CHIC1: variants seen among roughly 807,000 people sequenced by gnomAD.
CHIC1 encodes the protein cysteine rich hydrophobic domain 1.
Under a neutral mutation model 18.5 loss-of-function variants are expected in CHIC1, and 7 were observed. That is an observed-to-expected ratio of 0.38 (90% confidence interval 0.22 to 0.71). The LOEUF (loss-of-function observed/expected upper bound fraction) is 0.71, where lower values mean the gene tolerates loss of function less well. Among genes scored for constraint, CHIC1 ranks in the 30% least tolerant of loss-of-function variants. The pLI is 0.49. For missense variants in CHIC1, 159 were observed against 176.9 expected (o/e 0.90, Z 0.57); for synonymous variants, 77 against 73.5 (o/e 1.05, Z -0.25).
In CHIC1 at chrX:73,563,390, T is replaced by C. The variant is rs896458368; in HGVS notation, c.106T>C (p.Ser36Pro). The stretch of plus-strand genomic sequence containing the variant: ...GTCGTCGTCGTCGCCGTCGTCGTCG[T>C]CGTCGGTATCTGGGCCCGACGATGA... ...ATSSSSPSSS[S>P]SVSGPDDDEE... The change falls in exon 1 of 6, where the codon TCG becomes CCG. Residue 36 changes from serine to proline, a missense_variant. Physicochemically the swap from Ser to Pro is moderately conservative, Grantham distance 74. Coordinates refer to ENST00000373502, the MANE Select transcript of CHIC1 (RefSeq NM_001039840.4). 15 of 1,151,579 alleles carry C rather than the reference T, an allele frequency of 1.3e-5. No homozygotes were observed. The highest frequency in any genetic ancestry group is 5.4e-5 in the Admixed American group (2 of 37,233). 94.9% of individuals were successfully genotyped at this position (1,151,579 alleles called of 1,213,427 possible). A position where few individuals can be genotyped will look rare whatever the true frequency, so the allele number is the denominator to read the frequency against.
At chrX:73,592,927 A>C (rs1214570925) in intron 3 of CHIC1, among the ~76,000 whole-genome samples, 1 of 110,108 alleles carries the variant, frequency 9.1e-6, no homozygotes, top group African/African-American at 3.3e-5. Context: ...TCCTGATTCA[A>C]TCTTGAGAGC....
chrX:73,681,124 A>G lies in CHIC1; in HGVS notation c.*119A>G, dbSNP rs927374696. Reference sequence around the variant, plus strand: ...AACTTATTCTTTATAATGGTAGAATATTCTTCTCGCTCTTTTGTGTTGGTT... The same window carrying G: ...AACTTATTCTTTATAATGGTAGAATGTTCTTCTCGCTCTTTTGTGTTGGTT... On this transcript the variant is annotated 3_prime_UTR_variant, in exon 6 of 6. Coordinates refer to ENST00000373502, the MANE Select transcript of CHIC1 (RefSeq NM_001039840.4). 4.3e-6 allele frequency: 2 copies of G among 462,123 alleles called. No homozygotes were observed. The highest frequency in any genetic ancestry group is 2.6e-5 in the African/African-American group (1 of 39,089). The allele number at this position is 462,123 out of a possible 1,213,427, so 38.1% of individuals were successfully genotyped here. A position where few individuals can be genotyped will look rare whatever the true frequency, so the allele number is the denominator to read the frequency against.
At chrX:73,622,840 C>T (rs774742013) in intron 3 of CHIC1, among the ~76,000 whole-genome samples, 22 of 112,096 alleles carry the variant, frequency 2.0e-4, no homozygotes, top group Non-Finnish European at 3.9e-4. Context: ...ATAAATTTCC[C>T]TCCAAACACT....
intron 2 of CHIC1, among the ~76,000 whole-genome samples, chrX:73,580,913 G>A (rs748222598): frequency 8.4e-4 from 93 of 111,012 alleles, no homozygotes; most frequent in Non-Finnish European, 8.4e-4. Context: ...CTTCTTATGT[G>A]TTAATGCTTT....
chrX:73,653,864 G>A (rs1389550339), intron 3 of CHIC1, among the ~76,000 whole-genome samples: 1 of 111,806 alleles, frequency 8.9e-6, no homozygotes, highest in African/African-American at 3.2e-5. Context: ...ATTGTTTATT[G>A]TTGGCATATA....
At position 73,676,164 on chromosome X, in the gene CHIC1, A is replaced by T. The variant is rs936834107; in HGVS notation, c.508-3162A>T. Among the ~76,000 whole-genome samples the T allele has an allele frequency of 9.9e-4, 110 of 111,198 alleles. 1 individual carries two copies. The highest frequency in any genetic ancestry group is 3.2e-3 in the African/African-American group (98 of 30,560). On this transcript the variant is annotated intron_variant, in intron 3 of 5. Transcript: ENST00000373502. The stretch of plus-strand genomic sequence containing the variant: ...ACCTTTCTCTCTGGCTGCCCTTAAC[A>T]TTTTTTCCTTCGTTTCAACTTTGGT...
At chrX:73,635,111 C>CA (rs2057825920) in intron 3 of CHIC1, among the ~76,000 whole-genome samples, 1 of 111,078 alleles carries the variant, frequency 9.0e-6, no homozygotes, top group South Asian at 3.9e-4. Flanking sequence ...TTTAATTTTT[C>CA]AAATGTTTGT....
At chrX:73,645,278 A>G (rs763525623) in intron 3 of CHIC1, among the ~76,000 whole-genome samples, 1 of 112,295 alleles carries the variant, frequency 8.9e-6, no homozygotes, top group East Asian at 2.8e-4. Flanking sequence ...TCTATCATGT[A>G]TATGTGCTAC....
rs1309351660 is a variant in CHIC1, at chrX:73,599,851, T to G, written c.507+15279T>G. The stretch of plus-strand genomic sequence containing the variant: ...GGTTCCATATGAACTTTAAAGTAGT[T>G]TTTTCCAATTCTGTGAAGAAAGTCA... On this transcript the variant is annotated intron_variant, in intron 3 of 5. Coordinates refer to ENST00000373502, the MANE Select transcript of CHIC1 (RefSeq NM_001039840.4). Among the ~76,000 whole-genome samples, 52 of 103,815 alleles carry G rather than the reference T, an allele frequency of 5.0e-4. 5 individuals carry two copies. The highest frequency in any genetic ancestry group is 2.0e-3 in the African/African-American group (52 of 25,987). The allele number at this position is 103,815 out of a possible 115,157, so 90.2% of individuals were successfully genotyped here. A position where few individuals can be genotyped will look rare whatever the true frequency, so the allele number is the denominator to read the frequency against.
At chrX:73,602,850 C>T (rs2057658676) in intron 3 of CHIC1, among the ~76,000 whole-genome samples, 2 of 108,413 alleles carry the variant, frequency 1.8e-5, no homozygotes, top group South Asian at 7.6e-4. Context: ...ATTTATAAGG[C>T]TTCTGTTCTG....
At position 73,604,224 on chromosome X, in the gene CHIC1, T is replaced by G. The variant is rs1424912750; in HGVS notation, c.507+19652T>G. ...TCAGGAATTTGACTTCTTCCTGGTT[T>G]AGTCTTGGGGGCAGGGGGTGTATGT... On this transcript the variant is annotated intron_variant, in intron 3 of 5. Transcript: ENST00000373502. 9.6e-5 allele frequency among the ~76,000 whole-genome samples: 10 copies of G among 104,111 alleles called. 2 individuals are homozygous for G. Among genetic ancestry groups the G allele is most frequent in the African/African-American group, 3.8e-4 (10 of 26,346 alleles). 90.4% of individuals were successfully genotyped at this position (104,111 alleles called of 115,157 possible).
At chrX:73,616,331 G>T (rs772657882) in intron 3 of CHIC1, among the ~76,000 whole-genome samples, 16 of 111,525 alleles carry the variant, frequency 1.4e-4, no homozygotes, top group Admixed American at 5.7e-4. Context: ...TTACCCTGTG[G>T]CTTTGCATGG....
rs1343817055 is a variant in CHIC1, at chrX:73,684,644, C to T, written c.*3639C>T. 9.0e-6 allele frequency: 1 copy of T among 111,117 alleles called. No individual in the cohort carries two copies. Among genetic ancestry groups the T allele is most frequent in the African/African-American group, 3.3e-5 (1 of 30,689 alleles). 9.2% of individuals were successfully genotyped at this position (111,117 alleles called of 1,213,427 possible). The stretch of plus-strand genomic sequence containing the variant: ...CTTTTTGCTAATTTGATTATAAGTG[C>T]TCAAATTTATTGAAATTAGATTCTC... On this transcript the variant is annotated 3_prime_UTR_variant, in exon 6 of 6. Transcript: ENST00000373502.
Position 73,685,498 on chromosome X carries a change from G to T in CHIC1, c.*4493G>T, listed in dbSNP as rs1244054040. The stretch of plus-strand genomic sequence containing the variant: ...TCCATACCCTCAAAAAGATCTGTTG[G>T]AACAAATTGATAAAATTAGGTGGAA... On this transcript the variant is annotated 3_prime_UTR_variant, in exon 6 of 6. Coordinates refer to ENST00000373502, the MANE Select transcript of CHIC1 (RefSeq NM_001039840.4). 9.0e-6 allele frequency: 1 copy of T among 111,388 alleles called. No individual in the cohort carries two copies. Among genetic ancestry groups the T allele is most frequent in the Non-Finnish European group, 1.9e-5 (1 of 52,966 alleles). The allele number at this position is 111,388 out of a possible 1,213,427, so 9.2% of individuals were successfully genotyped here. A position where few individuals can be genotyped will look rare whatever the true frequency, so the allele number is the denominator to read the frequency against.
chrX:73,641,073 G>A (rs2057853485), intron 3 of CHIC1, among the ~76,000 whole-genome samples: 1 of 111,659 alleles, frequency 9.0e-6, no homozygotes, highest in Admixed American at 9.5e-5. Context: ...AAAATTTCTT[G>A]ATTTCTGCCT....
At chrX:73,592,881 C>T (rs896240797) in intron 3 of CHIC1, among the ~76,000 whole-genome samples, 4 of 110,371 alleles carry the variant, frequency 3.6e-5, no homozygotes, top group Non-Finnish European at 3.8e-5. Context: ...AATTTTGGAA[C>T]GTGTTATTGT....
In CHIC1 at chrX:73,665,294, A is replaced by G. The variant is rs919882896; in HGVS notation, c.508-14032A>G. ...CCCCCTTTTAGGCTCTTCTGTGTATAGTGGGACCAAAGCAGCCCTTACTAA... is the reference window on the plus strand; with the variant it reads ...CCCCCTTTTAGGCTCTTCTGTGTATGGTGGGACCAAAGCAGCCCTTACTAA... On this transcript the variant is annotated intron_variant, in intron 3 of 5. Coordinates refer to ENST00000373502, the MANE Select transcript of CHIC1 (RefSeq NM_001039840.4). 4.5e-5 allele frequency among the ~76,000 whole-genome samples: 5 copies of G among 110,866 alleles called. No individual in the cohort carries two copies. The Admixed American group carries it at 4.8e-4, about 11-fold the overall frequency.
intron 3 of CHIC1, among the ~76,000 whole-genome samples, chrX:73,672,625 T>C (rs1309242442): frequency 8.9e-6 from 1 of 112,486 alleles, no homozygotes; most frequent in Non-Finnish European, 1.9e-5. Flanking sequence ...TTGTTTTTTC[T>C]TGTAAATTTG....
At chrX:73,574,363 G>A (rs1028069751) in intron 1 of CHIC1, among the ~76,000 whole-genome samples, 3 of 110,316 alleles carry the variant, frequency 2.7e-5, no homozygotes, top group South Asian at 3.7e-4. Flanking sequence ...GTCTATGTTC[G>A]TCAGGGATAT....
Sources: allele counts gnomAD v4.1 joint callset (sites outside exome capture counted in the v4.1 genomes callset), GRCh38; gene constraint gnomAD v4.1.1; transcripts MANE v1.5; gene names NCBI Gene and HGNC (gene_info 2026-07-23, HGNC 2026-07-21).